Variants in KLHL1 observed in about 807,000 individuals in gnomAD.
The protein encoded by KLHL1 is kelch-like protein 1.
A neutral mutation model predicts 77.7 loss-of-function variants in KLHL1; 47 were observed. The ratio of observed to expected loss-of-function variants is 0.60; its 90% CI spans 0.48 to 0.77. The LOEUF (loss-of-function observed/expected upper bound fraction) is 0.77, where lower values mean the gene tolerates loss of function less well. Ranked by LOEUF, KLHL1 falls within the 30% of genes least tolerant of loss-of-function variation. The pLI is 0.00. For synonymous variants in KLHL1, 360 were observed against 325.2 expected, an observed-to-expected ratio of 1.11 and a Z score of -1.15; for missense variants, 925 against 910.8, an observed-to-expected ratio of 1.02 and a Z score of -0.20.
chr13:69,899,017 CA>C (rs1243417533), intron 4 of KLHL1, among the ~76,000 whole-genome samples: 9 of 36,934 alleles, frequency 2.4e-4, no homozygotes, highest in Admixed American at 3.8e-4. Context: ...AAAAATTACA[CA>C]TTTTTTTTTT....
intron 5 of KLHL1, among the ~76,000 whole-genome samples, chr13:69,881,085 A>G (rs1216132174): frequency 6.6e-6 from 1 of 152,166 alleles, no homozygotes; most frequent in Non-Finnish European, 1.5e-5. Context: ...ATGTAAATGC[A>G]TGTTTCCGCT....
intron 9 of KLHL1, among the ~76,000 whole-genome samples, chr13:69,713,261 C>T (rs924065694): frequency 2.0e-5 from 3 of 152,002 alleles, no homozygotes; most frequent in Non-Finnish European, 4.4e-5. Flanking sequence ...TTATTTATTC[C>T]TTTCCAATTG....
At chr13:69,777,391 G>T (rs1176745307) in intron 7 of KLHL1, among the ~76,000 whole-genome samples, 2 of 152,028 alleles carry the variant, frequency 1.3e-5, no homozygotes, top group African/African-American at 4.8e-5. Flanking sequence ...ATTAATATTT[G>T]ATTATTAAAT....
intron 1 of KLHL1, among the ~76,000 whole-genome samples, chr13:70,041,132 ATTTT>A (rs546047839): frequency 2.6e-5 from 4 of 151,932 alleles, no homozygotes; most frequent in African/African-American, 9.7e-5. Flanking sequence ...ATTTTAAAAA[ATTTT>A]TTTTATTTGT....
intron 1 of KLHL1, among the ~76,000 whole-genome samples, chr13:70,103,730 C>T (rs1013431146): frequency 2.0e-5 from 3 of 152,140 alleles, no homozygotes; most frequent in African/African-American, 7.2e-5. Flanking sequence ...TTCTGGCTTG[C>T]ACAAACTAAT....
At chr13:69,981,428 A>T (rs1048086604) in intron 1 of KLHL1, among the ~76,000 whole-genome samples, 9 of 152,074 alleles carry the variant, frequency 5.9e-5, no homozygotes, top group African/African-American at 2.2e-4. Flanking sequence ...TGTTTTGAGA[A>T]AAATATTTTA....
chr13:69,994,627 C>T (rs1247567462), intron 1 of KLHL1, among the ~76,000 whole-genome samples: 1 of 151,894 alleles, frequency 6.6e-6, no homozygotes, highest in African/African-American at 2.4e-5. Context: ...TTGGGAGTAC[C>T]TATAGGAAAA....
intron 7 of KLHL1, among the ~76,000 whole-genome samples, chr13:69,769,686 C>T (rs971320855): frequency 2.6e-5 from 4 of 152,124 alleles, no homozygotes; most frequent in South Asian, 2.1e-4. Flanking sequence ...GACTCAGCCA[C>T]ACACACAGCT....
chr13:70,025,944 A>C (rs1229773707), intron 1 of KLHL1, among the ~76,000 whole-genome samples: 1 of 152,098 alleles, frequency 6.6e-6, no homozygotes, highest in African/African-American at 2.4e-5. Context: ...GCATTGACTC[A>C]GGTGAAACAT....
chr13:70,082,171 A>G (rs1474724856), intron 1 of KLHL1, among the ~76,000 whole-genome samples: 1 of 152,082 alleles, frequency 6.6e-6, no homozygotes, highest in East Asian at 1.9e-4. Flanking sequence ...TGGCTCCTGT[A>G]CAGCCTGCAG....
At chr13:69,883,079 T>G (rs772074534) in intron 4 of KLHL1, among the ~76,000 whole-genome samples, 142 of 152,162 alleles carry the variant, frequency 9.3e-4, no homozygotes, top group Non-Finnish European at 1.6e-3. Flanking sequence ...CCATTTATTT[T>G]CTTCCTGTTT....
rs1164441870 is a variant in KLHL1 at position 69,837,665 on chromosome 13, T to TACAC, written c.1414+1310_1414+1311insGTGT. 2.6e-3 allele frequency among the ~76,000 whole-genome samples: 333 copies of TACAC among 127,130 alleles called. 10 individuals are homozygous for TACAC. Among genetic ancestry groups the TACAC allele is most frequent in the African/African-American group, 0.011 (308 of 27,346 alleles). 83.4% of individuals were successfully genotyped at this position (127,130 alleles called of 152,430 possible). On this transcript the variant is annotated intron_variant, in intron 6 of 10. Coordinates refer to ENST00000377844, the MANE Select transcript of KLHL1 (RefSeq NM_020866.3). The stretch of plus-strand genomic sequence containing the variant: ...ATATGTGTATATATATATGTGTGTG[T>TACAC]GTGTGTATATATATATATATATACA...
At chr13:70,027,278 A>G (rs1885972970) in intron 1 of KLHL1, among the ~76,000 whole-genome samples, 1 of 152,162 alleles carries the variant, frequency 6.6e-6, no homozygotes, top group Admixed American at 6.5e-5. Flanking sequence ...AAAGATAGAC[A>G]AAGTAAGAAG....
chr13:69,766,270 T>C (rs1875296891), intron 7 of KLHL1, among the ~76,000 whole-genome samples: 1 of 151,086 alleles, frequency 6.6e-6, no homozygotes, highest in Non-Finnish European at 1.5e-5. Context: ...AGGTATAAGT[T>C]TTTCATAAAC....
At position 70,107,397 on chromosome 13, in the gene KLHL1, C is replaced by T. The variant is rs919437920; in HGVS notation, c.303G>A (p.Thr101=). The change falls in exon 1 of 11, where the codon ACG becomes ACA. Residue 101 remains threonine (T), a synonymous_variant. Coordinates refer to ENST00000377844, the MANE Select transcript of KLHL1 (RefSeq NM_020866.3). ...PLNGTLLPVA[T]RLQQGAPGQG... ...GCCCAGGAGCCCCTTGCTGCAGCCT[C>T]GTGGCAACTGGAAGCAGGGTGCCAT... The T allele has an allele frequency of 1.2e-6, 2 of 1,614,088 alleles. No homozygotes were observed. Among genetic ancestry groups the T allele is most frequent in the South Asian group, 1.1e-5 (1 of 91,078 alleles).
At chr13:69,777,742 A>G (rs1875905866) in intron 7 of KLHL1, among the ~76,000 whole-genome samples, 2 of 152,156 alleles carry the variant, frequency 1.3e-5, no homozygotes, top group African/African-American at 2.4e-5. Flanking sequence ...TTGACTTGAA[A>G]CAATATGATC....
chr13:69,964,409 ATTTTTG>A (rs1884154034), intron 2 of KLHL1, among the ~76,000 whole-genome samples: 1 of 151,866 alleles, frequency 6.6e-6, no homozygotes, highest in African/African-American at 2.4e-5. Flanking sequence ...TATGTCCTTT[ATTTTTG>A]TTTTTAACTT....
At chr13:70,069,789 T>A (rs1468134771) in intron 1 of KLHL1, among the ~76,000 whole-genome samples, 3 of 151,464 alleles carry the variant, frequency 2.0e-5, no homozygotes, top group South Asian at 4.2e-4. Flanking sequence ...GAAAAGATTT[T>A]AAAAAATATA....
intron 5 of KLHL1, among the ~76,000 whole-genome samples, chr13:69,878,739 G>C (rs144731935): frequency 2.6e-5 from 4 of 151,882 alleles, no homozygotes; most frequent in African/African-American, 4.8e-5. Context: ...GAGAGAGTGA[G>C]AGAGAGAAAG....
Sources: gnomAD v4.1 joint callset for allele counts (sites outside exome capture counted in the v4.1 genomes callset) on GRCh38, gnomAD v4.1.1 for gene constraint, MANE v1.5 for transcripts, NCBI Gene and HGNC (gene_info 2026-07-23, HGNC 2026-07-21) for gene names.